Variants in CADPS observed in about 807,000 individuals in gnomAD.
CADPS encodes the protein calcium-dependent secretion activator 1.
In CADPS, 57 loss-of-function variants were observed where a neutral mutation model predicts 167.3. The ratio of observed to expected loss-of-function variants is 0.34; its 90% CI spans 0.28 to 0.42. The LOEUF (loss-of-function observed/expected upper bound fraction) is 0.42. Ranked by LOEUF, CADPS falls within the 20% of genes least tolerant of loss-of-function variation. The pLI is 1.00. For synonymous variants in CADPS, 676 were observed against 635.3 expected (o/e 1.06, Z -0.96); for missense variants, 1,414 against 1,738.1 (o/e 0.81, Z 3.32).
intron 6 of CADPS, among the ~76,000 whole-genome samples, chr3:62,599,409 G>A (rs1176140460): frequency 6.9e-6 from 1 of 145,416 alleles, no homozygotes; most frequent in African/African-American, 2.6e-5. Context: ...ACAAATCACA[G>A]AATTGGGCTT....
intron 17 of CADPS, 80 bp from the exon 18 acceptor site, chr3:62,499,348 A>G: frequency 1.2e-6 from 1 of 837,334 alleles, no homozygotes; most frequent in Non-Finnish European, 2.0e-6. Flanking sequence ...TGGATAAGAA[A>G]TTGAGAATAG....
At chr3:62,828,205 C>T (rs2074412775) in intron 1 of CADPS, among the ~76,000 whole-genome samples, 1 of 152,134 alleles carries the variant, frequency 6.6e-6, no homozygotes, top group Admixed American at 6.6e-5. Context: ...GATCTACTGA[C>T]ACATGGTGCA....
At chr3:62,596,522 T>C (rs897514861) in intron 6 of CADPS, among the ~76,000 whole-genome samples, 3 of 152,194 alleles carry the variant, frequency 2.0e-5, no homozygotes, top group Non-Finnish European at 2.9e-5. Flanking sequence ...GCTACATGTA[T>C]ACAATGTGTA....
intron 23 of CADPS, among the ~76,000 whole-genome samples, chr3:62,475,375 C>T (rs1034849454): frequency 5.3e-5 from 8 of 152,064 alleles, no homozygotes; most frequent in Admixed American, 1.3e-4. Context: ...CCTGATGCAT[C>T]TTTTTGGCAT....
chr3:62,596,447 C>T (rs887531981), intron 6 of CADPS, among the ~76,000 whole-genome samples: 1 of 152,092 alleles, frequency 6.6e-6, no homozygotes, highest in Non-Finnish European at 1.5e-5. Context: ...ATCCACCCAC[C>T]TTGGCCTCCC....
intron 3 of CADPS, among the ~76,000 whole-genome samples, chr3:62,708,046 C>T (rs1426710470): frequency 6.6e-6 from 1 of 151,848 alleles, no homozygotes; most frequent in African/African-American, 2.4e-5. Flanking sequence ...CCACCTCAGC[C>T]TTCTGAGTAT....
Position 62,753,575 on chromosome 3 carries a change from G to T in CADPS, c.754C>A (p.Arg252=), listed in dbSNP as rs149095712. The T allele has an allele frequency of 6.1e-5, 98 of 1,614,138 alleles. 1 individual carries two copies. In the African/African-American group the frequency reaches 1.0e-3, roughly 17 times the overall value. Residue 252 remains arginine (R), a synonymous_variant, in exon 3 of 30, where the codon CGG becomes AGG. Transcript: ENST00000383710. This position sits in a 1 kb window ranked among gnomAD's most constrained non-coding sequence, Gnocchi z 4.6. The part of the protein sequence containing the change: ...DAIYRGEEDP[R]KQQARMTASA... The stretch of plus-strand genomic sequence containing the variant: ...GCTGTCATCCGGGCCTGCTGCTTCC[G>T]CGGGTCCTCTTCTCCACGGTAGATG...
chr3:62,679,149 G>C (rs1233175355), intron 3 of CADPS, among the ~76,000 whole-genome samples: 2 of 152,026 alleles, frequency 1.3e-5, no homozygotes, highest in African/African-American at 4.8e-5. Flanking sequence ...TTTGCAGCCA[G>C]CTGGTTGACC....
intron 11 of CADPS, among the ~76,000 whole-genome samples, chr3:62,540,700 G>C (rs1324863747): frequency 2.0e-5 from 3 of 152,142 alleles, no homozygotes; most frequent in Non-Finnish European, 4.4e-5. Flanking sequence ...AAACACTGCA[G>C]TGGTCCAGCT....
rs1242935973 is a variant in CADPS at position 62,520,043 on chromosome 3, T to C, written c.2292-1793A>G. 2.6e-5 allele frequency among the ~76,000 whole-genome samples: 4 copies of C among 152,184 alleles called. No individual in the cohort carries two copies. In the East Asian group the frequency reaches 7.7e-4, roughly 29 times the overall value. ...CAACTGGGGGAAAAATGGAGCAATT[T>C]AAAGCATTTGTTTTTTAGTGGAGAA... is the stretch of plus-strand genomic sequence containing the variant. On this transcript the variant is annotated intron_variant, in intron 13 of 29. Coordinates refer to ENST00000383710, the MANE Select transcript of CADPS (RefSeq NM_003716.4).
chr3:62,733,649 TTTTG>T (rs1180301708), intron 3 of CADPS, among the ~76,000 whole-genome samples: 1 of 152,162 alleles, frequency 6.6e-6, no homozygotes, highest in Non-Finnish European at 1.5e-5. Flanking sequence ...GTGAAGCATA[TTTTG>T]TTTATGAGGC....
At chr3:62,802,593 C>T (rs576924865) in intron 1 of CADPS, among the ~76,000 whole-genome samples, 56 of 152,042 alleles carry the variant, frequency 3.7e-4, no homozygotes, top group Non-Finnish European at 7.5e-4. Context: ...CGATGAGGGT[C>T]GATTTAGAGA....
At chr3:62,480,755 T>A (rs369955908) in intron 22 of CADPS, among the ~76,000 whole-genome samples, 73 of 152,328 alleles carry the variant, frequency 4.8e-4, no homozygotes, top group African/African-American at 1.7e-3. Context: ...GGTCCGTAAT[T>A]AGCTGTGGTC....
intron 4 of CADPS, among the ~76,000 whole-genome samples, chr3:62,659,317 G>A (rs539623230): frequency 1.3e-5 from 2 of 152,234 alleles, no homozygotes; most frequent in South Asian, 4.1e-4. Context: ...GCCAATATCC[G>A]AGATCTTGAT....
At chr3:62,779,709 G>A in intron 1 of CADPS, 1 of 432,816 alleles carries the variant, frequency 2.3e-6, no homozygotes, top group Non-Finnish European at 4.6e-6. Flanking sequence ...AACATCTACA[G>A]TTGTGACCAG....
intron 5 of CADPS, among the ~76,000 whole-genome samples, chr3:62,650,377 A>G (rs1240407780): frequency 6.6e-6 from 1 of 152,198 alleles, no homozygotes; most frequent in African/African-American, 2.4e-5. Context: ...TTGCCACAAT[A>G]CTAGCCTGAA....
intron 2 of CADPS, among the ~76,000 whole-genome samples, chr3:62,756,893 T>C (rs539572710): frequency 6.6e-6 from 1 of 151,558 alleles, no homozygotes; most frequent in Admixed American, 6.6e-5. Context: ...CAGGGAGGCA[T>C]TGAGAAGGAG....
chr3:62,667,339 C>A (rs1477579441), intron 3 of CADPS, among the ~76,000 whole-genome samples: 1 of 151,914 alleles, frequency 6.6e-6, no homozygotes, highest in Non-Finnish European at 1.5e-5. Context: ...GGGTGGGGAA[C>A]CCTGGGACCC....
intron 9 of CADPS, among the ~76,000 whole-genome samples, chr3:62,558,204 T>C (rs2078515680): frequency 6.6e-6 from 1 of 152,208 alleles, no homozygotes; most frequent in South Asian, 2.1e-4. Context: ...CCAGTCACAG[T>C]AGAGCAATCC....
Sources: allele counts gnomAD v4.1 joint callset (sites outside exome capture counted in the v4.1 genomes callset), GRCh38; gene constraint gnomAD v4.1.1; non-coding constraint Gnocchi (gnomAD v3.1); transcripts MANE v1.5; gene names NCBI Gene and HGNC (gene_info 2026-07-23, HGNC 2026-07-21).